The following SPON1 variants were observed in gnomAD, a reference collection of about 807,000 sequenced individuals.
SPON1 encodes spondin-1.
In SPON1, 52 loss-of-function variants were observed where a neutral mutation model predicts 111.7. That is an observed-to-expected ratio of 0.47 (90% CI 0.37 to 0.59). The LOEUF is 0.59. Ranked by LOEUF, SPON1 falls within the 20% of genes least tolerant of loss-of-function variation. The pLI is 0.00. For missense variants in SPON1, 957 were observed against 1,068.5 expected (o/e 0.90, Z 1.46); for synonymous variants, 410 against 395.8 (o/e 1.04, Z -0.43).
At chr11:14,185,446 A>G (rs1426357671) in intron 6 of SPON1, among the ~76,000 whole-genome samples, 1 of 152,204 alleles carries the variant, frequency 6.6e-6, no homozygotes, top group Non-Finnish European at 1.5e-5. Flanking sequence ...GACCTCTCTC[A>G]TAACTCATCT....
intron 1 of SPON1, among the ~76,000 whole-genome samples, chr11:13,975,603 T>G (rs1398855561): frequency 6.6e-6 from 1 of 152,056 alleles, no homozygotes; most frequent in Non-Finnish European, 1.5e-5. Context: ...AGGGGTATTG[T>G]GTGGAGGTGA....
At chr11:13,966,074 A>G (rs1848013689) in intron 1 of SPON1, among the ~76,000 whole-genome samples, 1 of 152,232 alleles carries the variant, frequency 6.6e-6, no homozygotes, top group Non-Finnish European at 1.5e-5. Context: ...AGACTGAAAC[A>G]TGGAGTTTCT....
At chr11:14,118,368 T>C (rs1391390001) in intron 5 of SPON1, among the ~76,000 whole-genome samples, 2 of 152,204 alleles carry the variant, frequency 1.3e-5, no homozygotes, top group African/African-American at 4.8e-5. Flanking sequence ...AGGACACCTT[T>C]AAATAATGCT....
intron 2 of SPON1, among the ~76,000 whole-genome samples, chr11:14,033,456 G>A (rs576896719): frequency 7.9e-5 from 12 of 152,250 alleles, no homozygotes; most frequent in Non-Finnish European, 1.3e-4. Flanking sequence ...AGGAGGTGAC[G>A]TATCAGGGGA....
At chr11:14,053,323 T>G (rs1023755505) in intron 3 of SPON1, among the ~76,000 whole-genome samples, 1 of 152,148 alleles carries the variant, frequency 6.6e-6, no homozygotes, top group African/African-American at 2.4e-5. Flanking sequence ...CCCCAGCCCC[T>G]GGCAATCACC....
chr11:13,975,197 C>T (rs1198197687), intron 1 of SPON1, among the ~76,000 whole-genome samples: 1 of 152,090 alleles, frequency 6.6e-6, no homozygotes, highest in African/African-American at 2.4e-5. Context: ...ACTGTGTGCT[C>T]CTAGAGAGCA....
chr11:14,042,970 T>A (rs2133814389), intron 3 of SPON1, among the ~76,000 whole-genome samples: 2 of 152,372 alleles, frequency 1.3e-5, no homozygotes, highest in South Asian at 4.1e-4. Flanking sequence ...CTTCCTCAGA[T>A]TCCTTGAGCA....
At chr11:13,986,272 A>G (rs1463027350) in intron 2 of SPON1, among the ~76,000 whole-genome samples, 1 of 152,210 alleles carries the variant, frequency 6.6e-6, no homozygotes, top group African/African-American at 2.4e-5. Flanking sequence ...ATATATATAT[A>G]TAGTGATTTA....
intron 6 of SPON1, among the ~76,000 whole-genome samples, chr11:14,147,674 C>T (rs1212458295): frequency 1.3e-5 from 2 of 152,042 alleles, no homozygotes; most frequent in East Asian, 3.9e-4. Context: ...GCCTTGGCCT[C>T]CCAAAGTGCT....
intron 2 of SPON1, among the ~76,000 whole-genome samples, chr11:13,985,997 A>G (rs781899853): frequency 6.6e-5 from 10 of 152,106 alleles, no homozygotes; most frequent in African/African-American, 1.2e-4. Flanking sequence ...CAAATCTATC[A>G]TGAAAGTATT....
chr11:13,969,215 CAAAAAAA>C (rs3047401), intron 1 of SPON1, among the ~76,000 whole-genome samples: 5,178 of 106,974 alleles, frequency 0.048, 334 homozygotes, highest in African/African-American at 0.15. Flanking sequence ...CCCATCTCTA[CAAAAAAA>C]AAAAAAAAAA....
intron 6 of SPON1, among the ~76,000 whole-genome samples, chr11:14,160,530 TA>T (rs1554930894): frequency 6.4e-5 from 1 of 15,506 alleles, no homozygotes; most frequent in Non-Finnish European, 9.3e-5. Context: ...TTTACATATA[TA>T]TATTTATATA....
intron 2 of SPON1, among the ~76,000 whole-genome samples, chr11:14,036,467 A>G (rs1346694074): frequency 6.6e-6 from 1 of 152,186 alleles, no homozygotes; most frequent in East Asian, 1.9e-4. Context: ...GACTTGCACA[A>G]TTGGAGTAGG....
chr11:14,073,301 G>A (rs1848891780), intron 3 of SPON1, among the ~76,000 whole-genome samples: 1 of 152,112 alleles, frequency 6.6e-6, no homozygotes. Flanking sequence ...CTAAATTTAT[G>A]TGCTGCCAAT....
At chr11:14,237,532 C>T (rs1848881705) in intron 6 of SPON1, among the ~76,000 whole-genome samples, 1 of 152,230 alleles carries the variant, frequency 6.6e-6, no homozygotes, top group South Asian at 2.1e-4. Context: ...AGCAAATGAC[C>T]TGACTCCTCT....
chr11:13,983,843 C>A (rs1554910006), intron 2 of SPON1, among the ~76,000 whole-genome samples: 1 of 152,200 alleles, frequency 6.6e-6, no homozygotes, highest in Non-Finnish European at 1.5e-5. Flanking sequence ...TACTTATACC[C>A]ATAGCTGGCT....
Position 14,012,757 on chromosome 11 carries a change from G to T in SPON1, c.346-28764G>T, listed in dbSNP as rs563846008. Among the ~76,000 whole-genome samples, 28 of 152,024 alleles carry T rather than the reference G, an allele frequency of 1.8e-4. No homozygotes were observed. In the South Asian group the frequency reaches 5.4e-3, roughly 29 times the overall value. ...ATTTCCCTTTTATTTCTGCCTCTTT[G>T]TCTCCCTCTGCTAGAGTGCAAGTCC... On this transcript the variant is annotated intron_variant, in intron 2 of 15. Transcript: ENST00000576479.
chr11:14,195,368 A>G (rs1328204474), intron 6 of SPON1, among the ~76,000 whole-genome samples: 1 of 152,190 alleles, frequency 6.6e-6, no homozygotes, highest in Non-Finnish European at 1.5e-5. Context: ...TATACATTGA[A>G]AGGGTGTGGG....
rs191712624 is a variant in SPON1 at position 14,094,986 on chromosome 11, C to A, written c.676+14965C>A. ...AGTAGATTCTGTCATGAACTGGATG[C>A]GGAGGAGTAAGAGAGAGAAACATCA... On this transcript the variant is annotated intron_variant, in intron 5 of 15. Coordinates refer to ENST00000576479, the MANE Select transcript of SPON1 (RefSeq NM_006108.4). 8.5e-5 allele frequency among the ~76,000 whole-genome samples: 13 copies of A among 152,190 alleles called. 1 individual carries two copies. In the Middle Eastern group the frequency reaches 0.01, roughly 119 times the overall value.
Sources: allele counts gnomAD v4.1 joint callset (sites outside exome capture counted in the v4.1 genomes callset), GRCh38; gene constraint gnomAD v4.1.1; transcripts MANE v1.5; gene names NCBI Gene and HGNC (gene_info 2026-07-23, HGNC 2026-07-21).